DACH1: variants seen among roughly 807,000 people sequenced by gnomAD.
The protein encoded by DACH1 is dachshund family transcription factor 1.
A neutral mutation model predicts 54.2 loss-of-function variants in DACH1; 12 were observed. That is an observed-to-expected ratio of 0.22 (90% CI 0.14 to 0.36). The LOEUF (loss-of-function observed/expected upper bound fraction) is 0.36. Ranked by LOEUF, DACH1 falls within the 10% of genes least tolerant of loss-of-function variation. The pLI, the probability that DACH1 is intolerant of heterozygous loss-of-function variation, is 1.00. For synonymous variants in DACH1, 386 were observed against 366.2 expected (o/e 1.05, Z -0.62); for missense variants, 805 against 929.8 (o/e 0.87, Z 1.75).
At chr13:71,852,649 A>G (rs1450077332) in intron 1 of DACH1, among the ~76,000 whole-genome samples, 1 of 152,182 alleles carries the variant, frequency 6.6e-6, no homozygotes, top group Non-Finnish European at 1.5e-5. Context: ...CCAAGAGATT[A>G]TTTTTAAATA....
At chr13:71,726,915 G>A (rs906359836) in intron 1 of DACH1, among the ~76,000 whole-genome samples, 3 of 151,768 alleles carry the variant, frequency 2.0e-5, no homozygotes, top group South Asian at 2.1e-4. Flanking sequence ...AAAAGTAATC[G>A]AATTTAGAGA....
intron 1 of DACH1, among the ~76,000 whole-genome samples, chr13:71,820,524 C>A (rs911947745): frequency 1.3e-5 from 2 of 152,080 alleles, no homozygotes; most frequent in African/African-American, 4.8e-5. Context: ...GAAGTTTTAA[C>A]TTTTAAGTTT....
chr13:71,688,684 C>T (rs17088400), intron 1 of DACH1, among the ~76,000 whole-genome samples: 9,557 of 152,132 alleles, frequency 0.063, 667 homozygotes, highest in East Asian at 0.2. Flanking sequence ...CAAATATCAC[C>T]AGTGGACACC....
chr13:71,479,179 T>C lies in DACH1; in HGVS notation c.1860A>G (p.Gln620=). The change falls in exon 8 of 11, where the codon CAA becomes CAG. Residue 620 remains glutamine, a synonymous_variant. Coordinates refer to ENST00000613252, the MANE Select transcript of DACH1 (RefSeq NM_080759.6). ...ETLEKQLAME[Q]KNRAIVQKRL... ...GAAATTTGGAAATACCTCTATTCTTTTGTTCCATAGCCAACTGCTTCTCAA... is the reference window on the plus strand; with the variant it reads ...GAAATTTGGAAATACCTCTATTCTTCTGTTCCATAGCCAACTGCTTCTCAA... 6.2e-7 allele frequency: 1 copy of C among 1,610,462 alleles called. No individual in the cohort carries two copies. The highest frequency in any genetic ancestry group is 8.5e-7 in the Non-Finnish European group (1 of 1,179,050).
chr13:71,616,953 C>T (rs1875823534), intron 3 of DACH1, among the ~76,000 whole-genome samples: 1 of 150,028 alleles, frequency 6.7e-6, no homozygotes, highest in Non-Finnish European at 1.5e-5. Flanking sequence ...GCGATCTTGG[C>T]TCACTGCAAC....
intron 10 of DACH1, among the ~76,000 whole-genome samples, chr13:71,457,193 G>T (rs765227313): frequency 5.3e-5 from 8 of 151,918 alleles, no homozygotes; most frequent in Non-Finnish European, 1.0e-4. Flanking sequence ...GTAAATTATT[G>T]TTGCTTTTTT....
chr13:71,529,740 C>T (rs1244950032), intron 6 of DACH1, among the ~76,000 whole-genome samples: 1 of 152,154 alleles, frequency 6.6e-6, no homozygotes, highest in East Asian at 1.9e-4. Context: ...ATCCTTAAAC[C>T]ATTAATCAAG....
intron 10 of DACH1, among the ~76,000 whole-genome samples, chr13:71,461,414 T>G (rs1876063079): frequency 6.6e-6 from 1 of 151,986 alleles, no homozygotes. Context: ...TTATAATTGT[T>G]TTTTATTCAG....
chr13:71,481,933 T>A (rs1157639045), intron 7 of DACH1, among the ~76,000 whole-genome samples: 1 of 152,230 alleles, frequency 6.6e-6, no homozygotes, highest in African/African-American at 2.4e-5. Context: ...GCATCTCACT[T>A]GGACATGCAA....
chr13:71,534,343 ATAGT>A (rs1045665005), intron 6 of DACH1, among the ~76,000 whole-genome samples: 2 of 152,080 alleles, frequency 1.3e-5, no homozygotes, highest in African/African-American at 2.4e-5. Context: ...TATTTAAAAA[ATAGT>A]TAATTGTCTT....
chr13:71,486,817 TATCTATC>T (rs1878560317), intron 7 of DACH1, among the ~76,000 whole-genome samples: 354 of 6,318 alleles, frequency 0.056, 2 homozygotes, highest in African/African-American at 0.065. Context: ...TTTATTTATC[TATCTATC>T]TATCTATCTA....
At chr13:71,609,836 CT>C (rs1875178296) in intron 3 of DACH1, among the ~76,000 whole-genome samples, 1 of 152,048 alleles carries the variant, frequency 6.6e-6, no homozygotes, top group Non-Finnish European at 1.5e-5. Flanking sequence ...CAGAAGTTGA[CT>C]TTTTATCTTG....
chr13:71,854,735 A>T (rs1392840969), intron 1 of DACH1, among the ~76,000 whole-genome samples: 1 of 152,044 alleles, frequency 6.6e-6, no homozygotes, highest in Non-Finnish European at 1.5e-5. Context: ...ACAGTTAGAG[A>T]GAGTGGAGTG....
chr13:71,685,181 G>T (rs981772700), intron 1 of DACH1, among the ~76,000 whole-genome samples: 1 of 152,174 alleles, frequency 6.6e-6, no homozygotes, highest in Non-Finnish European at 1.5e-5. Flanking sequence ...TTTAATTCAC[G>T]CTGTGATTAG....
intron 1 of DACH1, among the ~76,000 whole-genome samples, chr13:71,844,066 C>T (rs780556168): frequency 2.6e-5 from 4 of 152,084 alleles, no homozygotes; most frequent in Non-Finnish European, 5.9e-5. Context: ...TCAGCATATC[C>T]TTATTTTCCC....
intron 1 of DACH1, among the ~76,000 whole-genome samples, chr13:71,826,737 A>C (rs1183410269): frequency 6.6e-6 from 1 of 152,116 alleles, no homozygotes; most frequent in Non-Finnish European, 1.5e-5. Flanking sequence ...ATCTTTATAT[A>C]TGTATATTCC....
intron 6 of DACH1, among the ~76,000 whole-genome samples, chr13:71,544,750 C>T (rs951400020): frequency 2.6e-5 from 4 of 152,050 alleles, no homozygotes; most frequent in Admixed American, 2.6e-4. Flanking sequence ...ATAATATAGA[C>T]CCCACCACAT....
At chr13:71,672,062 T>C (rs1316865269) in intron 2 of DACH1, among the ~76,000 whole-genome samples, 1 of 152,158 alleles carries the variant, frequency 6.6e-6, no homozygotes, top group Admixed American at 6.5e-5. Flanking sequence ...AATGTCTTAC[T>C]AAAAATTGTG....
At chr13:71,779,978 G>A (rs1594212282) in intron 1 of DACH1, among the ~76,000 whole-genome samples, 1 of 151,944 alleles carries the variant, frequency 6.6e-6, no homozygotes, top group African/African-American at 2.4e-5. Flanking sequence ...CATATTGTGG[G>A]TGCTTCAAAA....
Sources: gnomAD v4.1 joint callset for allele counts (sites outside exome capture counted in the v4.1 genomes callset) on GRCh38, gnomAD v4.1.1 for gene constraint, MANE v1.5 for transcripts, NCBI Gene and HGNC (gene_info 2026-07-23, HGNC 2026-07-21) for gene names.